The following SLCO1B1 variants were observed in gnomAD, a reference collection of about 807,000 sequenced individuals.
SLCO1B1 encodes the protein OATP-2.
In SLCO1B1, 81 loss-of-function variants were observed where a neutral mutation model predicts 70.1. The observed-to-expected ratio is 1.16, with a 90% CI of 0.97 to 1.39. The LOEUF (loss-of-function observed/expected upper bound fraction) is 1.39, where lower values mean the gene tolerates loss of function less well. SLCO1B1 is among the 40% of genes most tolerant of loss of function. SLCO1B1 has a pLI of 0.00. For missense variants in SLCO1B1, 895 were observed against 799.6 expected (o/e 1.12, Z -1.44); for synonymous variants, 283 against 271.5 (o/e 1.04, Z -0.42).
At chr12:21,173,509 G>A (rs1397495323) in intron 3 of SLCO1B1, among the ~76,000 whole-genome samples, 1 of 151,062 alleles carries the variant, frequency 6.6e-6, no homozygotes, top group Non-Finnish European at 1.5e-5. Flanking sequence ...TATTTAATCT[G>A]TATTTTATAT....
chr12:21,141,472 A>G (rs1323422860), intron 1 of SLCO1B1, 42 bp from the exon 2 acceptor site: 3 of 652,646 alleles, frequency 4.6e-6, no homozygotes, highest in East Asian at 3.1e-5. Context: ...TAAATTATAT[A>G]TTGTAAAAAT....
At chr12:21,184,770 C>A (rs1940944954) in intron 7 of SLCO1B1, among the ~76,000 whole-genome samples, 3 of 151,994 alleles carry the variant, frequency 2.0e-5, no homozygotes, top group Non-Finnish European at 4.4e-5. Context: ...CAATAATAAC[C>A]CTGAATGTAA....
At chr12:21,171,751 G>A (rs775214214) in intron 2 of SLCO1B1, among the ~76,000 whole-genome samples, 3 of 152,022 alleles carry the variant, frequency 2.0e-5, no homozygotes, top group Non-Finnish European at 4.4e-5. Context: ...CTGATATCAG[G>A]GTTCTGGCAT....
chr12:21,233,060 C>A (rs940811387), intron 14 of SLCO1B1, among the ~76,000 whole-genome samples: 2 of 152,138 alleles, frequency 1.3e-5, no homozygotes, highest in Non-Finnish European at 2.9e-5. Context: ...ACAAAACAGA[C>A]ATTTGTCACC....
chr12:21,179,230 A>G (rs1940863343), intron 7 of SLCO1B1, among the ~76,000 whole-genome samples: 1 of 152,188 alleles, frequency 6.6e-6, no homozygotes, highest in African/African-American at 2.4e-5. Context: ...GTGTAAAATG[A>G]GAGAATGTAA....
intron 2 of SLCO1B1, among the ~76,000 whole-genome samples, chr12:21,147,018 G>A (rs1940394414): frequency 6.6e-6 from 1 of 152,122 alleles, no homozygotes; most frequent in African/African-American, 2.4e-5. Flanking sequence ...GAGAGATGTA[G>A]AGTCTCCAAA....
chr12:21,168,715 C>A (rs1940722218), intron 2 of SLCO1B1, among the ~76,000 whole-genome samples: 1 of 152,118 alleles, frequency 6.6e-6, no homozygotes, highest in Non-Finnish European at 1.5e-5. Context: ...AAGTCCTTGA[C>A]CCATTTTTAA....
At position 21,205,849 on chromosome 12, in the gene SLCO1B1, G is replaced by A. The variant is rs75563002; in HGVS notation, c.1332-19G>A. ...TTCTCTCTCTCTCTTTTTGATATAT[G>A]TCTATCATATATTTCCAGAAATAAT... is the stretch of plus-strand genomic sequence containing the variant. On this transcript the variant is annotated intron_variant, in intron 10 of 14. Transcript: ENST00000256958. 6.4e-6 allele frequency: 10 copies of A among 1,561,216 alleles called. 1 individual carries two copies. In the East Asian group the frequency reaches 2.0e-4, roughly 32 times the overall value.
chr12:21,155,787 G>C (rs1053926101), intron 2 of SLCO1B1, among the ~76,000 whole-genome samples: 6 of 152,140 alleles, frequency 3.9e-5, no homozygotes, highest in African/African-American at 1.4e-4. Flanking sequence ...CCCTGAATGC[G>C]AAATTGCTTT....
intron 1 of SLCO1B1, among the ~76,000 whole-genome samples, chr12:21,137,881 C>A (rs1052733729): frequency 6.6e-6 from 1 of 152,180 alleles, no homozygotes; most frequent in South Asian, 2.1e-4. Flanking sequence ...GTGAGATGAA[C>A]CCGGTACCTC....
chr12:21,156,382 G>T lies in SLCO1B1; in HGVS notation c.84+14724G>T, dbSNP rs1001578332. Among the ~76,000 whole-genome samples the T allele has an allele frequency of 1.1e-4, 16 of 152,202 alleles. 1 individual carries two copies. The highest frequency in any genetic ancestry group is 3.4e-4 in the African/African-American group (14 of 41,534). ...AAATTTGTAAGCAGCTAAATCTAAT[G>T]ATATAGGCAACTGCTAGGATATCAC... On this transcript the variant is annotated intron_variant, in intron 2 of 14. Transcript: ENST00000256958.
intron 1 of SLCO1B1, among the ~76,000 whole-genome samples, chr12:21,137,633 A>G (rs1940245211): frequency 6.6e-6 from 1 of 152,168 alleles, no homozygotes; most frequent in African/African-American, 2.4e-5. Context: ...AGGACCCTCC[A>G]AGCCAGGTGC....
chr12:21,178,748 T>A, intron 6 of SLCO1B1, 26 bp downstream of exon 6: 1 of 1,577,228 alleles, frequency 6.3e-7, no homozygotes, highest in South Asian at 1.1e-5. Context: ...TATTAAATTG[T>A]ATGATCACTT....
At chr12:21,228,954 T>C (rs1941505887) in intron 14 of SLCO1B1, among the ~76,000 whole-genome samples, 1 of 152,058 alleles carries the variant, frequency 6.6e-6, no homozygotes, top group African/African-American at 2.4e-5. Flanking sequence ...CTTATCACTT[T>C]CCTTTTGGTC....
At chr12:21,182,813 C>G (rs1021474649) in intron 7 of SLCO1B1, among the ~76,000 whole-genome samples, 38 of 152,060 alleles carry the variant, frequency 2.5e-4, no homozygotes, top group Non-Finnish European at 1.2e-4. Flanking sequence ...AGGAAGAATT[C>G]TGAATCTCAG....
intron 2 of SLCO1B1, among the ~76,000 whole-genome samples, chr12:21,167,456 T>C (rs958004804): frequency 6.6e-6 from 1 of 152,176 alleles, no homozygotes; most frequent in Non-Finnish European, 1.5e-5. Flanking sequence ...TGTGGAACTC[T>C]TATTAGTATC....
At chr12:21,210,966 A>C (rs536303044) in intron 11 of SLCO1B1, among the ~76,000 whole-genome samples, 19,972 of 151,548 alleles carry the variant, frequency 0.13, 1,526 homozygotes, top group Non-Finnish European at 0.18. Context: ...TTGGGCTGAG[A>C]CAATGGGGTT....
At chr12:21,168,906 T>C (rs1226215498) in intron 2 of SLCO1B1, among the ~76,000 whole-genome samples, 1 of 152,214 alleles carries the variant, frequency 6.6e-6, no homozygotes, top group Non-Finnish European at 1.5e-5. Context: ...GTATTTTTAA[T>C]TTTGTTGCCT....
Position 21,200,572 on chromosome 12 carries a change from G to T in SLCO1B1, c.1035G>T (p.Thr345=). ...NPLYVMFVLL[T]LLQVSSYIGA... is the part of the protein sequence containing the mutation. The stretch of plus-strand genomic sequence containing the variant: ...TGTATGTTATGTTTGTGCTTTTGAC[G>T]TTGTTACAAGTAAGCAGCTATATTG... The change falls in exon 9 of 15, where the codon ACG becomes ACT. Residue 345 remains threonine, a synonymous_variant. Transcript: ENST00000256958. The T allele has an allele frequency of 6.2e-7, 1 of 1,607,720 alleles. No individual in the cohort carries two copies. The highest frequency in any genetic ancestry group is 8.5e-7 in the Non-Finnish European group (1 of 1,175,994).
Sources: gnomAD v4.1 joint callset for allele counts (sites outside exome capture counted in the v4.1 genomes callset) on GRCh38, gnomAD v4.1.1 for gene constraint, MANE v1.5 for transcripts, NCBI Gene and HGNC (gene_info 2026-07-23, HGNC 2026-07-21) for gene names.